The following APBB2 variants were observed in gnomAD, a reference collection of about 807,000 sequenced individuals.
APBB2 encodes Fe65-like 1.
A neutral mutation model predicts 82.5 loss-of-function variants in APBB2; 38 were observed. That is an observed-to-expected ratio of 0.46 (90% CI 0.36 to 0.60). The LOEUF is 0.60. Among genes scored for constraint, APBB2 ranks in the 20% least tolerant of loss-of-function variants. The pLI, the probability that APBB2 is intolerant of heterozygous loss-of-function variation, is 0.00. For missense variants in APBB2, 772 were observed against 972.3 expected (o/e 0.79, Z 2.74); for synonymous variants, 341 against 368.2 (o/e 0.93, Z 0.85).
intron 6 of APBB2, among the ~76,000 whole-genome samples, chr4:41,000,061 ATGTGTGTATGTGTG>A (rs1162606082): frequency 8.8e-6 from 1 of 113,220 alleles, no homozygotes; most frequent in African/African-American, 3.8e-5. Flanking sequence ...ATGTATATAT[ATGTGTGTATGTGTG>A]TGTGTGTGTG....
chr4:41,009,574 C>T (rs1346253299), intron 6 of APBB2, among the ~76,000 whole-genome samples: 1 of 152,132 alleles, frequency 6.6e-6, no homozygotes, highest in Non-Finnish European at 1.5e-5. Context: ...GGAAAGGATG[C>T]CCCTGAGGTA....
intron 12 of APBB2, among the ~76,000 whole-genome samples, chr4:40,862,170 T>C (rs1324834748): frequency 2.0e-5 from 3 of 152,252 alleles, no homozygotes; most frequent in Non-Finnish European, 1.5e-5. Flanking sequence ...CCAATTTCAA[T>C]TTGTTTGATT....
chr4:41,012,563 G>A (rs1464065876), intron 6 of APBB2, among the ~76,000 whole-genome samples: 1 of 152,072 alleles, frequency 6.6e-6, no homozygotes, highest in Non-Finnish European at 1.5e-5. Context: ...CTTCAAAAAC[G>A]CTACTTTTTT....
chr4:41,125,649 T>G (rs1754160037), intron 2 of APBB2, among the ~76,000 whole-genome samples: 1 of 152,222 alleles, frequency 6.6e-6, no homozygotes, highest in East Asian at 1.9e-4. Flanking sequence ...TTGGAAGACC[T>G]CTAAGTGCTC....
chr4:40,880,626 A>G (rs774412946), intron 12 of APBB2: 395 of 985,354 alleles, frequency 4.0e-4, no homozygotes, highest in Non-Finnish European at 4.6e-4. Flanking sequence ...GTATTCAAAG[A>G]AGATCACGGC....
intron 3 of APBB2, among the ~76,000 whole-genome samples, chr4:41,081,611 A>G (rs1323648345): frequency 1.3e-5 from 2 of 152,128 alleles, no homozygotes; most frequent in African/African-American, 2.4e-5. Flanking sequence ...TTTTTTTTCC[A>G]TCTCAACAAA....
intron 3 of APBB2, among the ~76,000 whole-genome samples, chr4:41,092,903 T>G (rs1266527232): frequency 6.6e-6 from 1 of 152,146 alleles, no homozygotes; most frequent in African/African-American, 2.4e-5. Context: ...TGCTGCTGTT[T>G]CACCCTCTCC....
intron 12 of APBB2, among the ~76,000 whole-genome samples, chr4:40,852,080 C>T (rs1328367585): frequency 1.3e-5 from 2 of 151,932 alleles, no homozygotes; most frequent in Non-Finnish European, 2.9e-5. Context: ...AATTACGGGG[C>T]CGGGCGCAGT....
intron 2 of APBB2, among the ~76,000 whole-genome samples, chr4:41,120,033 C>T (rs1752321999): frequency 6.6e-6 from 1 of 152,118 alleles, no homozygotes; most frequent in South Asian, 2.1e-4. Flanking sequence ...GATGTCATCA[C>T]CATTATATAG....
chr4:40,982,274 G>GA (rs367673683), intron 6 of APBB2, among the ~76,000 whole-genome samples: 6 of 29,214 alleles, frequency 2.1e-4, no homozygotes, highest in African/African-American at 8.1e-4. Flanking sequence ...AAGAAAGAAA[G>GA]AAAGAAAGAA....
chr4:40,895,439 A>G (rs1304022113), intron 10 of APBB2, among the ~76,000 whole-genome samples: 1 of 152,242 alleles, frequency 6.6e-6, no homozygotes, highest in African/African-American at 2.4e-5. Context: ...GATGGTGAAG[A>G]GGAGGTCCCG....
intron 12 of APBB2, among the ~76,000 whole-genome samples, chr4:40,855,749 A>G (rs1761004824): frequency 1.3e-5 from 2 of 152,056 alleles, no homozygotes; most frequent in South Asian, 4.2e-4. Context: ...AAAAAAAACA[A>G]AAAAAAGGAA....
chr4:40,849,718 AAAGT>A (rs1265765062), intron 12 of APBB2, among the ~76,000 whole-genome samples: 1 of 150,086 alleles, frequency 6.7e-6, no homozygotes, highest in Non-Finnish European at 1.5e-5. Flanking sequence ...CCTGTTTACT[AAAGT>A]TACTTTTTTT....
rs559610954 is a variant in APBB2 at position 40,879,683 on chromosome 4, AT to A, written c.1529+10680del. On this transcript the variant is annotated intron_variant, in intron 12 of 17. Coordinates refer to ENST00000508593, the MANE Select transcript of APBB2 (RefSeq NM_004307.2). ...TATGTTACGGTTGACCCAGGACAAT[AT>A]TTTTTTTCTTTCTTTTTTTTTTTTT... 7.3e-5 allele frequency among the ~76,000 whole-genome samples: 11 copies of A among 150,554 alleles called. No individual in the cohort carries two copies. The South Asian group carries it at 8.4e-4, about 11-fold the overall frequency.
intron 10 of APBB2, among the ~76,000 whole-genome samples, chr4:40,927,167 T>G (rs958006924): frequency 6.6e-6 from 1 of 152,196 alleles, no homozygotes; most frequent in African/African-American, 2.4e-5. Context: ...CCAGAAAATT[T>G]AATCTCTGGG....
At chr4:41,064,846 T>C (rs1731168164) in intron 4 of APBB2, among the ~76,000 whole-genome samples, 1 of 152,186 alleles carries the variant, frequency 6.6e-6, no homozygotes, top group Non-Finnish European at 1.5e-5. Context: ...AGGGGACCTC[T>C]CTTCTGGGTC....
At position 40,812,226 on chromosome 4, in the gene APBB2, A is replaced by AAAAT. The variant is rs974129893; in HGVS notation, c.*3862_*3865dup. On this transcript the variant is annotated 3_prime_UTR_variant, in exon 18 of 18. Coordinates refer to ENST00000508593, the MANE Select transcript of APBB2 (RefSeq NM_004307.2). ...AGAAGTCTGAGGTAAGAATAATTTA[A>AAAAT]AAATAACTAGAGACACCGAGTTTCT... The AAAAT allele has an allele frequency of 6.6e-6, 1 of 152,264 alleles. No homozygotes were observed. Among genetic ancestry groups the AAAAT allele is most frequent in the Non-Finnish European group, 1.5e-5 (1 of 68,044 alleles). 9.4% of individuals were successfully genotyped at this position (152,264 alleles called of 1,614,324 possible). A position where few individuals can be genotyped will look rare whatever the true frequency, so the allele number is the denominator to read the frequency against.
At chr4:40,898,678 G>A (rs1156973890) in intron 10 of APBB2, among the ~76,000 whole-genome samples, 4 of 151,912 alleles carry the variant, frequency 2.6e-5, no homozygotes, top group Non-Finnish European at 4.4e-5. Context: ...TGTAGACCAC[G>A]ATACATACGA....
chr4:40,871,237 G>A (rs1372509152), intron 12 of APBB2, among the ~76,000 whole-genome samples: 3 of 152,160 alleles, frequency 2.0e-5, no homozygotes, highest in Non-Finnish European at 2.9e-5. Context: ...CACCTCCTGG[G>A]TTCAAGTGGC....
Sources: gnomAD v4.1 joint callset for allele counts (sites outside exome capture counted in the v4.1 genomes callset) on GRCh38, gnomAD v4.1.1 for gene constraint, MANE v1.5 for transcripts, NCBI Gene and HGNC (gene_info 2026-07-23, HGNC 2026-07-21) for gene names.